Variants in ARHGDIB observed in about 807,000 individuals in gnomAD.
The protein encoded by ARHGDIB is Rho GDP dissociation inhibitor beta.
Under a neutral mutation model 22.6 loss-of-function variants are expected in ARHGDIB, and 20 were observed. The ratio of observed to expected loss-of-function variants is 0.88; its 90% CI spans 0.62 to 1.28. The LOEUF (loss-of-function observed/expected upper bound fraction) is 1.28, where lower values mean the gene tolerates loss of function less well. Among genes scored for constraint, ARHGDIB ranks in the 50% most tolerant of loss-of-function variants. ARHGDIB has a pLI of 0.00. For synonymous variants in ARHGDIB, 114 were observed against 96.1 expected, an observed-to-expected ratio of 1.19 and a Z score of -1.09; for missense variants, 254 against 245.4, an observed-to-expected ratio of 1.04 and a Z score of -0.23.
At chr12:14,961,081 T>C (rs1864402076) in intron 1 of ARHGDIB, 1 of 152,322 alleles carries the variant, frequency 6.6e-6, no homozygotes. Context: ...ACCAGTCTTT[T>C]TACATTGTCT....
intron 4 of ARHGDIB, among the ~76,000 whole-genome samples, chr12:14,946,710 G>A (rs932507496): frequency 1.3e-5 from 2 of 152,182 alleles, no homozygotes; most frequent in South Asian, 4.1e-4. Flanking sequence ...CTGTTCCAGA[G>A]CTTTCCTTTG....
At chr12:14,954,754 GA>G (rs1864263617) in intron 1 of ARHGDIB, among the ~76,000 whole-genome samples, 1 of 152,328 alleles carries the variant, frequency 6.6e-6, no homozygotes, top group Middle Eastern at 3.4e-3. Flanking sequence ...CTGTGAATAT[GA>G]GAGAATATCT....
At chr12:14,944,932 T>C in intron 4 of ARHGDIB, 93 bp from the exon 5 acceptor site, 1 of 1,060,102 alleles carries the variant, frequency 9.4e-7, no homozygotes, top group South Asian at 1.6e-5. Flanking sequence ...GAATCGTCTC[T>C]GACAATGAAA....
intron 5 of ARHGDIB, among the ~76,000 whole-genome samples, chr12:14,943,404 G>GT (rs71038648): frequency 0.57 from 79,538 of 140,490 alleles, 22,116 homozygotes; most frequent in Non-Finnish European, 0.63. Flanking sequence ...TGTTGTTGTT[G>GT]TTTTTTTTAT....
At chr12:14,953,861 CTCTT>C (rs1565464186) in intron 1 of ARHGDIB, among the ~76,000 whole-genome samples, 6 of 151,726 alleles carry the variant, frequency 4.0e-5, no homozygotes, top group African/African-American at 1.2e-4. Context: ...CTCTCTTTCT[CTCTT>C]TCTCCCTTTC....
Position 14,950,733 on chromosome 12 carries a change from C to A in ARHGDIB, c.-12-9G>T, listed in dbSNP as rs779661328. 3 of 1,577,480 alleles carry A rather than the reference C, an allele frequency of 1.9e-6. No homozygotes were observed. The East Asian group carries it at 6.7e-5, about 35-fold the overall frequency. On this transcript the variant is annotated splice_polypyrimidine_tract_variant and intron_variant, in intron 1 of 5. Coordinates refer to ENST00000228945, the MANE Select transcript of ARHGDIB (RefSeq NM_001175.7). ...GTCATTCTGATCTATTTCTGGGAGA[C>A]AGAATGACAGCCCGTTAGTCAACAA...
At chr12:14,956,715 C>G (rs1264742546) in intron 1 of ARHGDIB, among the ~76,000 whole-genome samples, 1 of 152,176 alleles carries the variant, frequency 6.6e-6, no homozygotes, top group Non-Finnish European at 1.5e-5. Flanking sequence ...GTATTTTCTG[C>G]TTCACAGATG....
intron 1 of ARHGDIB, among the ~76,000 whole-genome samples, chr12:14,956,910 G>A (rs1348581882): frequency 6.6e-6 from 1 of 152,160 alleles, no homozygotes; most frequent in Non-Finnish European, 1.5e-5. Flanking sequence ...CAATGTTTTT[G>A]CTTGCAAATT....
chr12:14,952,535 C>G (rs902091780), intron 1 of ARHGDIB, among the ~76,000 whole-genome samples: 1 of 152,160 alleles, frequency 6.6e-6, no homozygotes, highest in Non-Finnish European at 1.5e-5. Context: ...GTGACTAATG[C>G]AATTCGTATT....
intron 1 of ARHGDIB, among the ~76,000 whole-genome samples, chr12:14,957,323 CTCT>C (rs1367857620): frequency 6.6e-6 from 1 of 152,156 alleles, no homozygotes; most frequent in African/African-American, 2.4e-5. Flanking sequence ...TGTTCCCTTC[CTCT>C]TCTTCCTTCC....
In ARHGDIB at chr12:14,952,460, T is replaced by G. The variant is rs373305569; in HGVS notation, c.-12-1736A>C. Among the ~76,000 whole-genome samples, 5 of 152,254 alleles carry G rather than the reference T, an allele frequency of 3.3e-5. No individual in the cohort carries two copies. In the East Asian group the frequency reaches 9.6e-4, roughly 29 times the overall value. On this transcript the variant is annotated intron_variant, in intron 1 of 5. Transcript: ENST00000228945. ...TGTAGGCCTGTTCCTATGGCAACTC[T>G]TGCTTTAGCAGAAGAAACAGCACCA...
intron 1 of ARHGDIB, among the ~76,000 whole-genome samples, chr12:14,953,369 A>G (rs1864225507): frequency 6.6e-6 from 1 of 152,224 alleles, no homozygotes; most frequent in Admixed American, 6.5e-5. Flanking sequence ...ACAACAAATA[A>G]AGGACTGGAA....
Position 14,950,531 on chromosome 12 carries a change from C to A in ARHGDIB, c.181+1G>T. 1.2e-6 allele frequency: 2 copies of A among 1,611,238 alleles called. No individual in the cohort carries two copies. The highest frequency in any genetic ancestry group is 8.5e-7 in the Non-Finnish European group (1 of 1,178,444). On this transcript the variant is annotated splice_donor_variant, in intron 2 of 5. Coordinates refer to ENST00000228945, the MANE Select transcript of ARHGDIB (RefSeq NM_001175.7). LOFTEE classifies it high-confidence loss of function. ...CCACCCTGTTCTCTGTACACACATA[C>A]CTGTCACCACAGGACCATCTCCCAG...
At position 14,950,667 on chromosome 12, in the gene ARHGDIB, C is replaced by T; in HGVS notation, c.46G>A (p.Asp16Asn). ...PEPHVEEDDD[D>N]ELDSKLNYKP... The stretch of plus-strand genomic sequence containing the variant: ...TAATTGAGCTTGCTGTCCAGCTCAT[C>T]ATCGTCATCCTCCTCCACATGTGGC... Residue 16 changes from aspartate (D) to asparagine (N), a missense_variant, in exon 2 of 6, where the codon GAT becomes AAT. By Grantham distance (23) the Asp-to-Asn change is conservative. Coordinates refer to ENST00000228945, the MANE Select transcript of ARHGDIB (RefSeq NM_001175.7). 1.2e-6 allele frequency: 2 copies of T among 1,613,766 alleles called. No individual in the cohort carries two copies. The highest frequency in any genetic ancestry group is 2.2e-5 in the South Asian group (2 of 91,056).
chr12:14,955,095 T>C (rs756526151), intron 1 of ARHGDIB, among the ~76,000 whole-genome samples: 1 of 152,218 alleles, frequency 6.6e-6, no homozygotes, highest in Non-Finnish European at 1.5e-5. Context: ...ACTGAACAGG[T>C]CTTTGCATAA....
Position 14,942,251 on chromosome 12 carries a change from G to A in ARHGDIB, c.*271C>T. ...TAGTTGCTTGAATAGGGGTAAGACA[G>A]GGAAATATTAAATGATTGTGTACTG... On this transcript the variant is annotated 3_prime_UTR_variant, in exon 6 of 6. Transcript: ENST00000228945. 2 of 454,654 alleles carry A rather than the reference G, an allele frequency of 4.4e-6. No homozygotes were observed. Among genetic ancestry groups the A allele is most frequent in the Non-Finnish European group, 8.1e-6 (2 of 247,106 alleles). The allele number at this position is 454,654 out of a possible 1,614,324, so 28.2% of individuals were successfully genotyped here. A position where few individuals can be genotyped will look rare whatever the true frequency, so the allele number is the denominator to read the frequency against.
intron 1 of ARHGDIB, among the ~76,000 whole-genome samples, chr12:14,953,529 A>C (rs1270049121): frequency 6.6e-6 from 1 of 152,140 alleles, no homozygotes; most frequent in African/African-American, 2.4e-5. Context: ...GGGCAATCTA[A>C]CTATACCAAA....
intron 1 of ARHGDIB, among the ~76,000 whole-genome samples, chr12:14,952,160 G>A (rs1207444252): frequency 1.3e-5 from 2 of 151,706 alleles, no homozygotes; most frequent in Admixed American, 1.3e-4. Flanking sequence ...TCTCCCAGGA[G>A]TGAAGATATC....
intron 1 of ARHGDIB, among the ~76,000 whole-genome samples, chr12:14,954,756 G>C (rs1864263673): frequency 6.6e-6 from 1 of 152,178 alleles, no homozygotes; most frequent in Non-Finnish European, 1.5e-5. Flanking sequence ...GTGAATATGA[G>C]AGAATATCTG....
Sources: allele counts gnomAD v4.1 joint callset (sites outside exome capture counted in the v4.1 genomes callset), GRCh38; gene constraint gnomAD v4.1.1; transcripts MANE v1.5; gene names NCBI Gene and HGNC (gene_info 2026-07-23, HGNC 2026-07-21).